MALRD1: variants seen among roughly 807,000 people sequenced by gnomAD.
The protein encoded by MALRD1 is MAM and LDL-receptor class A domain-containing protein 1.
MALRD1 carries 247 observed loss-of-function variants against 242.1 expected under a neutral mutation model. The ratio of observed to expected loss-of-function variants is 1.02; its 90% CI spans 0.92 to 1.13. MALRD1 has a LOEUF of 1.13. Among genes scored for constraint, MALRD1 ranks in the 50% most tolerant of loss-of-function variants. The pLI, the probability that MALRD1 is intolerant of heterozygous loss-of-function variation, is 0.00. For missense variants in MALRD1, 2,989 were observed against 2,533.1 expected (o/e 1.18, Z -3.86); for synonymous variants, 995 against 866.6 (o/e 1.15, Z -2.60).
chr10:19,611,851 T>G (rs552698273), intron 35 of MALRD1, among the ~76,000 whole-genome samples: 1 of 152,176 alleles, frequency 6.6e-6, no homozygotes, highest in South Asian at 2.1e-4. Flanking sequence ...AGATGAACTG[T>G]GAGTTTTCTG....
At chr10:19,219,919 A>C (rs1227704781) in intron 18 of MALRD1, among the ~76,000 whole-genome samples, 1 of 152,154 alleles carries the variant, frequency 6.6e-6, no homozygotes, top group Non-Finnish European at 1.5e-5. Context: ...ATGTAATTAC[A>C]TCTATCACTA....
rs549657935 is a variant in MALRD1, at chr10:19,064,105, C to T, written c.200-2614C>T. ...TAATTGCGGCTTCCAAGCAACCTTC[C>T]AATCCTCCCTCTGACTGCAGTACAT... is the stretch of plus-strand genomic sequence containing the variant. On this transcript the variant is annotated intron_variant, in intron 1 of 39. Transcript: ENST00000454679. Among the ~76,000 whole-genome samples the T allele has an allele frequency of 2.0e-3, 307 of 152,204 alleles. 1 individual carries two copies. The highest frequency in any genetic ancestry group is 3.9e-3 in the Admixed American group (59 of 15,282).
intron 32 of MALRD1, among the ~76,000 whole-genome samples, chr10:19,551,586 G>T (rs1159283657): frequency 6.6e-6 from 1 of 152,070 alleles, no homozygotes; most frequent in African/African-American, 2.4e-5. Context: ...CTTTTTGGAA[G>T]CCCTTTATTT....
At chr10:19,203,631 A>G (rs1253401049) in intron 14 of MALRD1, 97 bp from the exon 15 acceptor site, 14 of 1,245,884 alleles carry the variant, frequency 1.1e-5, no homozygotes, top group African/African-American at 1.5e-5. Context: ...ATGTGCATAC[A>G]GAAGCATAAT....
At chr10:19,306,102 A>G (rs1842174381) in intron 21 of MALRD1, among the ~76,000 whole-genome samples, 1 of 113,670 alleles carries the variant, frequency 8.8e-6, no homozygotes, top group South Asian at 2.4e-4. Flanking sequence ...TATATACTAG[A>G]TAGTATATAT....
chr10:19,360,260 T>C (rs1425271538), intron 26 of MALRD1, among the ~76,000 whole-genome samples: 1 of 152,074 alleles, frequency 6.6e-6, no homozygotes, highest in Non-Finnish European at 1.5e-5. Context: ...AAACTTCATA[T>C]CTCTGAATGG....
chr10:19,535,484 C>T (rs7099094), intron 32 of MALRD1, among the ~76,000 whole-genome samples: 121,081 of 149,548 alleles, frequency 0.81, 49,234 homozygotes, highest in Non-Finnish European at 0.85. Flanking sequence ...TGTGTATATG[C>T]ATATACATAT....
chr10:19,725,346 G>A (rs535408102), intron 38 of MALRD1, among the ~76,000 whole-genome samples: 50 of 152,196 alleles, frequency 3.3e-4, no homozygotes, highest in East Asian at 1.7e-3. Flanking sequence ...GGGCTTTTCC[G>A]GCTTTTGCTC....
chr10:19,153,134 C>T (rs775323206), intron 11 of MALRD1, among the ~76,000 whole-genome samples: 12 of 152,032 alleles, frequency 7.9e-5, no homozygotes, highest in Non-Finnish European at 1.3e-4. Flanking sequence ...ATATGGAGAC[C>T]GAGCTCCTAA....
chr10:19,692,886 T>TATATATATATATATATATATATATATAA lies in MALRD1; in HGVS notation c.6314+333_6314+334insTATATATATATATATATATATATATAAA, dbSNP rs373717863. Among the ~76,000 whole-genome samples, 517 of 136,766 alleles carry TATATATATATATATATATATATATATAA rather than the reference T, an allele frequency of 3.8e-3. 13 individuals are homozygous for TATATATATATATATATATATATATATAA. Among genetic ancestry groups the TATATATATATATATATATATATATATAA allele is most frequent in the African/African-American group, 0.013 (448 of 34,456 alleles). 89.7% of individuals were successfully genotyped at this position (136,766 alleles called of 152,430 possible). On this transcript the variant is annotated intron_variant, in intron 38 of 39. Transcript: ENST00000454679. Reference sequence around the variant, plus strand: ...ATGAAATTATATATATATATATATATAATTTCATCCCTGGAATGCAAGGCT... The same window carrying TATATATATATATATATATATATATATAA: ...ATGAAATTATATATATATATATATATATATATATATATATATATATATATATAAAATTTCATCCCTGGAATGCAAGGCT...
chr10:19,123,121 T>C (rs1270229554), intron 5 of MALRD1, among the ~76,000 whole-genome samples: 1 of 152,182 alleles, frequency 6.6e-6, no homozygotes, highest in Admixed American at 6.5e-5. Flanking sequence ...TATCTTGTAT[T>C]GGACACATGT....
At chr10:19,258,515 C>A in intron 19 of MALRD1, among the ~76,000 whole-genome samples, 1 of 152,074 alleles carries the variant, frequency 6.6e-6, no homozygotes, top group East Asian at 1.9e-4. Flanking sequence ...GAGGCTGGGG[C>A]CCAACAACAT....
At chr10:19,692,249 T>G in intron 36 of MALRD1, 33 bp from the exon 37 acceptor site, 1 of 1,487,720 alleles carries the variant, frequency 6.7e-7, no homozygotes, top group Non-Finnish European at 9.0e-7. Flanking sequence ...CACTTTTCTT[T>G]TTTCCAACTA....
At chr10:19,403,497 T>C (rs530272219) in intron 28 of MALRD1, among the ~76,000 whole-genome samples, 6 of 152,248 alleles carry the variant, frequency 3.9e-5, no homozygotes, top group African/African-American at 1.4e-4. Flanking sequence ...TGCTAACGTG[T>C]TGGTGACAAG....
chr10:19,675,326 T>C (rs1842093827), intron 36 of MALRD1, among the ~76,000 whole-genome samples: 1 of 152,178 alleles, frequency 6.6e-6, no homozygotes, highest in Non-Finnish European at 1.5e-5. Flanking sequence ...CATTGTACAA[T>C]GACAAGCAGA....
chr10:19,188,042 G>A (rs1221978811), intron 14 of MALRD1, among the ~76,000 whole-genome samples: 2 of 152,172 alleles, frequency 1.3e-5, no homozygotes, highest in Non-Finnish European at 2.9e-5. Flanking sequence ...TAAATTATGT[G>A]CATCCAAGGT....
At position 19,396,141 on chromosome 10, in the gene MALRD1, C is replaced by CT. The variant is rs71387076; in HGVS notation, c.4845+6548dup. ...CATTCCTTCGTTTCTTTTTTTTTTT[C>CT]TTTTTTTTTTTTTTTTGATGGAGTC... is the stretch of plus-strand genomic sequence containing the variant. On this transcript the variant is annotated intron_variant, in intron 28 of 39. Coordinates refer to ENST00000454679, the MANE Select transcript of MALRD1 (RefSeq NM_001142308.3). 4.9e-3 allele frequency among the ~76,000 whole-genome samples: 511 copies of CT among 103,936 alleles called. 5 individuals carry two copies. Among genetic ancestry groups the CT allele is most frequent in the East Asian group, 0.014 (53 of 3,784 alleles). The allele number at this position is 103,936 out of a possible 152,430, so 68.2% of individuals were successfully genotyped here. A position where few individuals can be genotyped will look rare whatever the true frequency, so the allele number is the denominator to read the frequency against.
chr10:19,583,985 C>A (rs1837264120), intron 33 of MALRD1, among the ~76,000 whole-genome samples: 1 of 152,048 alleles, frequency 6.6e-6, no homozygotes, highest in Non-Finnish European at 1.5e-5. Flanking sequence ...TTATGCATTT[C>A]TTCTAGATTT....
At chr10:19,360,342 T>C (rs1844835299) in intron 26 of MALRD1, among the ~76,000 whole-genome samples, 1 of 152,118 alleles carries the variant, frequency 6.6e-6, no homozygotes, top group African/African-American at 2.4e-5. Flanking sequence ...TATTTAAAAA[T>C]ACTTATCTTC....
Sources: gnomAD v4.1 joint callset for allele counts (sites outside exome capture counted in the v4.1 genomes callset) on GRCh38, gnomAD v4.1.1 for gene constraint, MANE v1.5 for transcripts, NCBI Gene and HGNC (gene_info 2026-07-23, HGNC 2026-07-21) for gene names.